Variants in FAAH2 observed in about 807,000 individuals in gnomAD.
FAAH2 encodes fatty acid amide hydrolase 2.
FAAH2 carries 60 observed loss-of-function variants against 36.9 expected under a neutral mutation model. That is an observed-to-expected ratio of 1.63 (90% CI 1.32 to 2.02). FAAH2 has a LOEUF of 2.02. FAAH2 is among the 30% of genes most tolerant of loss of function. The probability of loss-of-function intolerance (pLI) is 0.00; values close to 1 mark genes in which losing one functional copy is unlikely to be tolerated. For missense variants in FAAH2, 689 were observed against 397.5 expected (o/e 1.73, Z -6.23); for synonymous variants, 214 against 143.8 (o/e 1.49, Z -3.49).
chrX:57,300,035 G>A (rs1426179590), intron 2 of FAAH2, among the ~76,000 whole-genome samples: 1 of 111,499 alleles, frequency 9.0e-6, no homozygotes, highest in Non-Finnish European at 1.9e-5. Context: ...TACTGCCCAA[G>A]GTAATTTATA....
chrX:57,467,853 G>A (rs2057080392), intron 10 of FAAH2, among the ~76,000 whole-genome samples: 1 of 111,804 alleles, frequency 8.9e-6, no homozygotes, highest in South Asian at 3.7e-4. Context: ...CCCCCCAGTA[G>A]GGGCAGACTG....
intron 2 of FAAH2, among the ~76,000 whole-genome samples, chrX:57,295,707 T>C (rs998425023): frequency 8.9e-6 from 1 of 111,913 alleles, no homozygotes; most frequent in African/African-American, 3.3e-5. Context: ...CCTTTCCTAG[T>C]CAAAGAAAGG....
At chrX:57,216,572 G>GTA in the FAAH2 span, among the ~76,000 whole-genome samples, 400 of 12,686 alleles carry the variant, frequency 0.032, 17 homozygotes, top group Middle Eastern at 0.17. Flanking sequence ...ATACGTATAT[G>GTA]TATATATATG....
the FAAH2 span, among the ~76,000 whole-genome samples, chrX:57,197,934 T>C: frequency 8.9e-6 from 1 of 112,305 alleles, no homozygotes; most frequent in Admixed American, 9.4e-5. Flanking sequence ...TGGATTTAGC[T>C]GTTGTTTTCT....
intron 7 of FAAH2, among the ~76,000 whole-genome samples, chrX:57,413,383 T>C (rs2055752685): frequency 8.9e-6 from 1 of 112,379 alleles, no homozygotes; most frequent in Admixed American, 9.4e-5. Flanking sequence ...TTAATCCATC[T>C]TGAGTTAATT....
chrX:57,207,562 A>C, the FAAH2 span, among the ~76,000 whole-genome samples: 2 of 112,124 alleles, frequency 1.8e-5, no homozygotes, highest in Non-Finnish European at 3.8e-5. Context: ...CTGTTCGTTT[A>C]GTTTTACTTT....
chrX:57,137,145 G>A, the FAAH2 span: 1 of 762,155 alleles, frequency 1.3e-6, no homozygotes, highest in East Asian at 1.4e-4. Context: ...TCCACCCCAT[G>A]TCTCCTGCTG....
chrX:57,478,302 T>C (rs769807333), intron 10 of FAAH2, among the ~76,000 whole-genome samples: 2 of 111,905 alleles, frequency 1.8e-5, no homozygotes, highest in South Asian at 7.5e-4. Context: ...GAGAAGTGTC[T>C]GTTCATGTCC....
chrX:57,135,901 C>T, the FAAH2 span: 24 of 1,207,662 alleles, frequency 2.0e-5, no homozygotes, highest in Admixed American at 3.3e-4. Context: ...GGTTTGGTTT[C>T]CACTTGGTGA....
chrX:57,426,117 CCCTT>C (rs1268675628), intron 7 of FAAH2, among the ~76,000 whole-genome samples: 1 of 111,482 alleles, frequency 9.0e-6, no homozygotes, highest in African/African-American at 3.2e-5. Flanking sequence ...TAGAAATAAT[CCCTT>C]CCATATTGAT....
At chrX:57,173,709 T>C in the FAAH2 span, among the ~76,000 whole-genome samples, 1 of 112,046 alleles carries the variant, frequency 8.9e-6, no homozygotes, top group Non-Finnish European at 1.9e-5. Context: ...TGTGGGTTTG[T>C]CATATGGTTT....
chrX:57,324,839 C>G (rs1055363605), intron 3 of FAAH2, among the ~76,000 whole-genome samples: 2 of 111,878 alleles, frequency 1.8e-5, no homozygotes, highest in Non-Finnish European at 3.8e-5. Context: ...ATTTCCTTCT[C>G]CTGCCTAATT....
At chrX:57,295,530 C>G (rs1602181389) in intron 2 of FAAH2, among the ~76,000 whole-genome samples, 1 of 111,945 alleles carries the variant, frequency 8.9e-6, no homozygotes, top group East Asian at 2.8e-4. Context: ...CCAGCGTAAG[C>G]GACGCAGAAG....
chrX:57,133,893 G>A, the FAAH2 span, among the ~76,000 whole-genome samples: 4 of 111,213 alleles, frequency 3.6e-5, no homozygotes, highest in African/African-American at 1.3e-4. Context: ...AGGCCATGTT[G>A]GGTGGAGAGA....
intron 10 of FAAH2, among the ~76,000 whole-genome samples, chrX:57,459,145 G>T (rs1389427834): frequency 1.8e-5 from 2 of 112,407 alleles, no homozygotes; most frequent in Non-Finnish European, 3.8e-5. Context: ...TTGGTGGGGG[G>T]AGGGGCATCC....
the FAAH2 span, among the ~76,000 whole-genome samples, chrX:57,130,658 G>C: frequency 8.9e-6 from 1 of 112,179 alleles, no homozygotes; most frequent in African/African-American, 3.2e-5. Context: ...GTCAATCAGT[G>C]GTATAGTTTA....
intron 3 of FAAH2, among the ~76,000 whole-genome samples, chrX:57,318,550 T>A (rs774992868): frequency 9.0e-6 from 1 of 111,157 alleles, no homozygotes; most frequent in Non-Finnish European, 1.9e-5. Flanking sequence ...AATAAAAAAA[T>A]CCCAGAACTA....
At chrX:57,229,945 A>G in the FAAH2 span, among the ~76,000 whole-genome samples, 529 of 111,570 alleles carry the variant, frequency 4.7e-3, 3 homozygotes, top group African/African-American at 0.016. Context: ...TTTCTCCTCT[A>G]CTTTTATTTA....
chrX:57,233,732 T>C, the FAAH2 span, among the ~76,000 whole-genome samples: 1 of 112,914 alleles, frequency 8.9e-6, no homozygotes, highest in Admixed American at 9.3e-5. Context: ...CTCCGACTCC[T>C]GGACTCAAGT....
Sources: gnomAD v4.1 joint callset for allele counts (sites outside exome capture counted in the v4.1 genomes callset) on GRCh38, gnomAD v4.1.1 for gene constraint, MANE v1.5 for transcripts, NCBI Gene and HGNC (gene_info 2026-07-23, HGNC 2026-07-21) for gene names.